The following VEPH1 variants were observed in gnomAD, a reference collection of about 807,000 sequenced individuals.
The protein encoded by VEPH1 is ventricular zone expressed PH domain containing 1.
VEPH1 carries 80 observed loss-of-function variants against 85.2 expected under a neutral mutation model. The observed-to-expected ratio is 0.94, with a 90% CI of 0.78 to 1.13. VEPH1 has a LOEUF of 1.13. Ranked by LOEUF, VEPH1 falls within the 50% of genes most tolerant of loss-of-function variation. The probability of loss-of-function intolerance (pLI) is 0.00; values close to 1 mark genes in which losing one functional copy is unlikely to be tolerated. For synonymous variants in VEPH1, 297 were observed against 348.0 expected, an observed-to-expected ratio of 0.85 and a Z score of 1.63; for missense variants, 955 against 980.5, an observed-to-expected ratio of 0.97 and a Z score of 0.35.
intron 9 of VEPH1, among the ~76,000 whole-genome samples, chr3:157,332,300 A>G (rs1269241977): frequency 1.3e-5 from 2 of 152,230 alleles, no homozygotes; most frequent in Non-Finnish European, 2.9e-5. Flanking sequence ...CAGTAAGTAC[A>G]TTTATGATGT....
In VEPH1 at chr3:157,319,071, G is replaced by A. The variant is rs374313686; in HGVS notation, c.1736-1870C>T. Among the ~76,000 whole-genome samples, 34 of 152,108 alleles carry A rather than the reference G, an allele frequency of 2.2e-4. 1 individual carries two copies. The highest frequency in any genetic ancestry group is 6.8e-3 in the Middle Eastern group (2 of 294). On this transcript the variant is annotated intron_variant, in intron 9 of 13. Transcript: ENST00000362010. ...GGAAAAGTTTGAAAAATCTTAGAGC[G>A]GCCAATGAGAGATTAGAGGAGAAGG...
At chr3:157,490,119 T>C (rs564745972) in intron 2 of VEPH1, among the ~76,000 whole-genome samples, 105 of 152,088 alleles carry the variant, frequency 6.9e-4, no homozygotes, top group African/African-American at 2.5e-3. Flanking sequence ...TAGTACATAA[T>C]GATGTTAATT....
At chr3:157,375,049 T>C (rs1727933769) in intron 7 of VEPH1, among the ~76,000 whole-genome samples, 1 of 152,236 alleles carries the variant, frequency 6.6e-6, no homozygotes. Flanking sequence ...GCAAGAATTT[T>C]ACTTTGTTCT....
chr3:157,490,781 A>G (rs903889809), intron 2 of VEPH1, among the ~76,000 whole-genome samples: 4 of 152,186 alleles, frequency 2.6e-5, no homozygotes, highest in African/African-American at 7.2e-5. Context: ...TACTTTAGAA[A>G]TACTTGGCAA....
intron 6 of VEPH1, among the ~76,000 whole-genome samples, chr3:157,396,988 A>AT (rs200070254): frequency 0.011 from 1,651 of 152,200 alleles, 10 homozygotes; most frequent in Non-Finnish European, 0.017. Flanking sequence ...TGCTTTTGAC[A>AT]TTTTCATCAT....
At chr3:157,318,977 G>T (rs1721088000) in intron 9 of VEPH1, among the ~76,000 whole-genome samples, 1 of 152,150 alleles carries the variant, frequency 6.6e-6, no homozygotes, top group Non-Finnish European at 1.5e-5. Context: ...GAATTCTCTA[G>T]AGAATGGGGG....
intron 12 of VEPH1, among the ~76,000 whole-genome samples, chr3:157,277,776 C>T (rs1715585855): frequency 6.6e-6 from 1 of 152,048 alleles, no homozygotes; most frequent in Non-Finnish European, 1.5e-5. Flanking sequence ...ATTCTATTAA[C>T]ATGATCTGTT....
intron 11 of VEPH1, among the ~76,000 whole-genome samples, chr3:157,309,402 T>G (rs1719848428): frequency 6.6e-6 from 1 of 152,202 alleles, no homozygotes; most frequent in Admixed American, 6.5e-5. Flanking sequence ...CTCACTTTGT[T>G]CAGTGAACAC....
chr3:157,324,690 T>C (rs1559959716), intron 9 of VEPH1, among the ~76,000 whole-genome samples: 1 of 151,794 alleles, frequency 6.6e-6, no homozygotes, highest in South Asian at 2.1e-4. Flanking sequence ...TATGGCCACA[T>C]AGTGTTCCAT....
intron 11 of VEPH1, among the ~76,000 whole-genome samples, chr3:157,294,194 T>C (rs1717855514): frequency 6.6e-6 from 1 of 152,162 alleles, no homozygotes; most frequent in African/African-American, 2.4e-5. Flanking sequence ...CTCCTAACCA[T>C]GTAGGTTATT....
At chr3:157,450,433 G>A (rs1042205098) in intron 4 of VEPH1, among the ~76,000 whole-genome samples, 5 of 151,930 alleles carry the variant, frequency 3.3e-5, no homozygotes, top group East Asian at 3.9e-4. Context: ...CTTCCTTTCT[G>A]TTATAACTTT....
chr3:157,347,080 A>C (rs1283537022), intron 9 of VEPH1, among the ~76,000 whole-genome samples: 1 of 152,170 alleles, frequency 6.6e-6, no homozygotes, highest in Admixed American at 6.5e-5. Context: ...TTGATACTTG[A>C]ATTACTAAGA....
chr3:157,497,825 TTG>T (rs1446443516), intron 1 of VEPH1, among the ~76,000 whole-genome samples: 1 of 152,168 alleles, frequency 6.6e-6, no homozygotes, highest in African/African-American at 2.4e-5. Context: ...AAACATTGCT[TTG>T]GGCCCTAAAC....
chr3:157,490,938 G>A (rs1739163348), intron 2 of VEPH1, among the ~76,000 whole-genome samples: 1 of 152,134 alleles, frequency 6.6e-6, no homozygotes, highest in Non-Finnish European at 1.5e-5. Flanking sequence ...CTCTGCCTCA[G>A]CAAAAATAAA....
At chr3:157,373,359 G>A (rs754071439) in intron 7 of VEPH1, among the ~76,000 whole-genome samples, 56 of 152,274 alleles carry the variant, frequency 3.7e-4, no homozygotes, top group South Asian at 1.0e-3. Context: ...CATCCTGTGG[G>A]AATCAGACAC....
chr3:157,267,500 A>T (rs985382305), intron 12 of VEPH1, among the ~76,000 whole-genome samples: 13 of 151,600 alleles, frequency 8.6e-5, no homozygotes, highest in African/African-American at 2.9e-4. Context: ...AAGGCTAAAA[A>T]CTGGCCAGGC....
intron 9 of VEPH1, among the ~76,000 whole-genome samples, chr3:157,362,269 G>C (rs1459966311): frequency 1.3e-5 from 2 of 152,054 alleles, no homozygotes; most frequent in Non-Finnish European, 2.9e-5. Flanking sequence ...GACCTCAGGC[G>C]ATCCACCTGC....
intron 12 of VEPH1, among the ~76,000 whole-genome samples, chr3:157,278,754 G>T (rs1715714225): frequency 6.6e-6 from 1 of 152,188 alleles, no homozygotes; most frequent in African/African-American, 2.4e-5. Flanking sequence ...TAGATTGGAT[G>T]GGGGTGGTGG....
chr3:157,358,939 T>C (rs926595577), intron 9 of VEPH1, among the ~76,000 whole-genome samples: 1 of 152,046 alleles, frequency 6.6e-6, no homozygotes, highest in Non-Finnish European at 1.5e-5. Context: ...GAAGTTGCAG[T>C]GAGCCGAGAT....
Sources: allele counts gnomAD v4.1 joint callset (sites outside exome capture counted in the v4.1 genomes callset), GRCh38; gene constraint gnomAD v4.1.1; transcripts MANE v1.5; gene names NCBI Gene and HGNC (gene_info 2026-07-23, HGNC 2026-07-21).